KCNIP4: variants seen among roughly 807,000 people sequenced by gnomAD.
The protein encoded by KCNIP4 is Kv channel-interacting protein 4.
A neutral mutation model predicts 34.0 loss-of-function variants in KCNIP4; 12 were observed. The observed-to-expected ratio is 0.35, with a 90% CI of 0.23 to 0.57. The LOEUF (loss-of-function observed/expected upper bound fraction) is 0.57, where lower values mean the gene tolerates loss of function less well. Among genes scored for constraint, KCNIP4 ranks in the 20% least tolerant of loss-of-function variants. The pLI is 0.83. For missense variants in KCNIP4, 238 were observed against 311.7 expected, an observed-to-expected ratio of 0.76 and a Z score of 1.78; for synonymous variants, 124 against 102.2, an observed-to-expected ratio of 1.21 and a Z score of -1.29.
chr4:21,440,440 A>T (rs1256733250), intron 1 of KCNIP4, among the ~76,000 whole-genome samples: 1 of 152,204 alleles, frequency 6.6e-6, no homozygotes, highest in Non-Finnish European at 1.5e-5. Flanking sequence ...TAAAATTCTG[A>T]CTGTTCAAAT....
intron 3 of KCNIP4, among the ~76,000 whole-genome samples, chr4:20,774,725 A>G (rs1460220706): frequency 6.6e-6 from 1 of 152,192 alleles, no homozygotes; most frequent in Non-Finnish European, 1.5e-5. Flanking sequence ...AGTAAAAACT[A>G]GCAGGAGATA....
chr4:20,813,272 T>C (rs1228365506), intron 3 of KCNIP4, among the ~76,000 whole-genome samples: 4 of 152,118 alleles, frequency 2.6e-5, no homozygotes, highest in Admixed American at 2.6e-4. Context: ...CTTTGCAACA[T>C]TGCCAAACCT....
chr4:20,824,687 T>C (rs1201628736), intron 3 of KCNIP4, among the ~76,000 whole-genome samples: 2 of 152,052 alleles, frequency 1.3e-5, no homozygotes, highest in South Asian at 4.1e-4. Context: ...TCAAAAAAAA[T>C]GTGATTCTTC....
At chr4:21,084,930 C>T (rs945395212) in intron 1 of KCNIP4, among the ~76,000 whole-genome samples, 4 of 151,844 alleles carry the variant, frequency 2.6e-5, no homozygotes, top group African/African-American at 7.3e-5. Context: ...TGTCATTCCA[C>T]AGGATTAAAT....
chr4:21,623,470 T>C (rs188383022), intron 1 of KCNIP4, among the ~76,000 whole-genome samples: 1 of 152,300 alleles, frequency 6.6e-6, no homozygotes, highest in East Asian at 1.9e-4. Flanking sequence ...AATGGAATGG[T>C]TTCTCTAATA....
chr4:20,874,043 TAGC>T (rs1372144136), intron 2 of KCNIP4, among the ~76,000 whole-genome samples: 1 of 152,180 alleles, frequency 6.6e-6, no homozygotes, highest in African/African-American at 2.4e-5. Flanking sequence ...ATCATCGTAG[TAGC>T]AGGAGAATGA....
At chr4:21,351,668 C>T (rs186754722) in intron 1 of KCNIP4, among the ~76,000 whole-genome samples, 1 of 152,120 alleles carries the variant, frequency 6.6e-6, no homozygotes, top group Non-Finnish European at 1.5e-5. Context: ...GAGGGTTGGC[C>T]CTAATCCAAT....
chr4:21,596,983 A>C (rs546216066), intron 1 of KCNIP4, among the ~76,000 whole-genome samples: 2 of 152,186 alleles, frequency 1.3e-5, no homozygotes, highest in Admixed American at 1.3e-4. Flanking sequence ...GAAGAAAATA[A>C]GTGTTTCAAG....
chr4:21,134,088 T>A (rs1368048968), intron 1 of KCNIP4, among the ~76,000 whole-genome samples: 3 of 152,150 alleles, frequency 2.0e-5, no homozygotes, highest in Non-Finnish European at 2.9e-5. Flanking sequence ...TGAGACTAAA[T>A]TTGTTCTGAG....
intron 1 of KCNIP4, among the ~76,000 whole-genome samples, chr4:21,034,719 T>C (rs1475089128): frequency 1.3e-5 from 2 of 152,234 alleles, no homozygotes; most frequent in African/African-American, 4.8e-5. Context: ...TTGTGGAGAT[T>C]ACATGCCAGG....
chr4:21,830,096 C>T (rs1722890785), intron 1 of KCNIP4, among the ~76,000 whole-genome samples: 1 of 152,032 alleles, frequency 6.6e-6, no homozygotes, highest in Admixed American at 6.6e-5. Flanking sequence ...GCCTACCTAC[C>T]ACAGACTCAC....
intron 1 of KCNIP4, among the ~76,000 whole-genome samples, chr4:21,454,784 C>T (rs1256590678): frequency 6.6e-6 from 1 of 152,090 alleles, no homozygotes; most frequent in Non-Finnish European, 1.5e-5. Flanking sequence ...CATGTTTTCT[C>T]AGCATTCTGG....
rs1414373687 is a variant in KCNIP4, at chr4:21,723,127, C to T, written c.61+225444G>A. On this transcript the variant is annotated intron_variant, in intron 1 of 8. Transcript: ENST00000382152. Reference sequence around the variant, plus strand: ...AGATTTGCTGCCACTGTCCCCAATCCTATTCATTTTCTCCAAGATATGATT... The same window carrying T: ...AGATTTGCTGCCACTGTCCCCAATCTTATTCATTTTCTCCAAGATATGATT... Among the ~76,000 whole-genome samples the T allele has an allele frequency of 3.9e-5, 6 of 152,086 alleles. No homozygotes were observed. In the East Asian group the frequency reaches 9.6e-4, roughly 24 times the overall value.
intron 1 of KCNIP4, among the ~76,000 whole-genome samples, chr4:21,691,260 C>A (rs978431291): frequency 1.3e-5 from 2 of 152,108 alleles, no homozygotes; most frequent in Admixed American, 6.6e-5. Context: ...GAAAATGAGA[C>A]CAGCATTTTT....
intron 1 of KCNIP4, among the ~76,000 whole-genome samples, chr4:21,129,971 T>C (rs1040119583): frequency 1.3e-5 from 2 of 152,134 alleles, no homozygotes; most frequent in Admixed American, 6.5e-5. Context: ...CTCCTACCTA[T>C]ACTTCATGCT....
At chr4:21,210,233 G>C (rs1280043387) in intron 1 of KCNIP4, among the ~76,000 whole-genome samples, 2 of 152,056 alleles carry the variant, frequency 1.3e-5, no homozygotes, top group East Asian at 3.9e-4. Flanking sequence ...TTATTTTACT[G>C]CCTTTATTTT....
chr4:21,881,653 A>G (rs1726469196), intron 1 of KCNIP4, among the ~76,000 whole-genome samples: 1 of 152,180 alleles, frequency 6.6e-6, no homozygotes, highest in Admixed American at 6.5e-5. Flanking sequence ...AAGCAGTAGT[A>G]TATCTGGGTT....
chr4:21,410,546 G>C (rs1255392010), intron 1 of KCNIP4, among the ~76,000 whole-genome samples: 1 of 152,140 alleles, frequency 6.6e-6, no homozygotes, highest in Non-Finnish European at 1.5e-5. Flanking sequence ...CTGGAAGCCA[G>C]TACCACCTTG....
intron 1 of KCNIP4, among the ~76,000 whole-genome samples, chr4:21,552,642 G>A (rs1359145088): frequency 2.6e-5 from 4 of 152,074 alleles, no homozygotes; most frequent in African/African-American, 7.2e-5. Context: ...TTTATAAAGC[G>A]GGATAGAGGT....
Sources: gnomAD v4.1 joint callset for allele counts (sites outside exome capture counted in the v4.1 genomes callset) on GRCh38, gnomAD v4.1.1 for gene constraint, MANE v1.5 for transcripts, NCBI Gene and HGNC (gene_info 2026-07-23, HGNC 2026-07-21) for gene names.